The following OXR1 variants were observed in gnomAD, a reference collection of about 807,000 sequenced individuals.
The protein encoded by OXR1 is oxidation resistance 1, also known as oxidation resistance protein 1.
Under a neutral mutation model 104.6 loss-of-function variants are expected in OXR1, and 41 were observed. That is an observed-to-expected ratio of 0.39 (90% CI 0.31 to 0.51). The LOEUF (loss-of-function observed/expected upper bound fraction) is 0.51. Ranked by LOEUF, OXR1 falls within the 20% of genes least tolerant of loss-of-function variation. OXR1 has a pLI of 0.77. For synonymous variants in OXR1, 348 were observed against 348.4 expected (o/e 1.00, Z 0.01); for missense variants, 955 against 1,031.9 (o/e 0.93, Z 1.02).
chr8:106,687,974 A>G (rs1271194357), intron 6 of OXR1, among the ~76,000 whole-genome samples: 1 of 152,182 alleles, frequency 6.6e-6, no homozygotes, highest in East Asian at 1.9e-4. Flanking sequence ...TTGGACCCAA[A>G]GAGTTAAGTA....
At chr8:106,570,489 T>G (rs927808658) in intron 3 of OXR1, among the ~76,000 whole-genome samples, 1 of 152,136 alleles carries the variant, frequency 6.6e-6, no homozygotes, top group Non-Finnish European at 1.5e-5. Flanking sequence ...TTAGAAAGAT[T>G]AAGTAACAGA....
intron 11 of OXR1, chr8:106,725,976 C>T (rs1833298302): frequency 5.6e-6 from 2 of 355,156 alleles, no homozygotes; most frequent in African/African-American, 2.1e-5. Flanking sequence ...CCTTTCTTTG[C>T]ACATTTGGGT....
At chr8:106,499,482 A>C (rs1175784703) in intron 2 of OXR1, among the ~76,000 whole-genome samples, 1 of 152,154 alleles carries the variant, frequency 6.6e-6, no homozygotes, top group African/African-American at 2.4e-5. Flanking sequence ...ACAGCAGTAC[A>C]AATAGCATAA....
intron 3 of OXR1, among the ~76,000 whole-genome samples, chr8:106,570,185 T>G (rs1817374359): frequency 6.6e-6 from 1 of 152,168 alleles, no homozygotes; most frequent in African/African-American, 2.4e-5. Context: ...TTCAGAAAAA[T>G]CATTAATGCT....
intron 3 of OXR1, among the ~76,000 whole-genome samples, chr8:106,591,127 G>T (rs1032726592): frequency 6.6e-6 from 1 of 151,778 alleles, no homozygotes; most frequent in African/African-American, 2.4e-5. Context: ...ATGAGTTCTT[G>T]TCCTTTGTAG....
intron 3 of OXR1, among the ~76,000 whole-genome samples, chr8:106,528,291 T>C (rs1449276912): frequency 6.6e-6 from 1 of 152,248 alleles, no homozygotes. Flanking sequence ...AAATATTAAG[T>C]TGGGAAATGG....
chr8:106,442,632 G>C (rs767315937), intron 2 of OXR1, among the ~76,000 whole-genome samples: 3 of 151,994 alleles, frequency 2.0e-5, no homozygotes, highest in African/African-American at 7.2e-5. Flanking sequence ...ACTTCTTCCT[G>C]GTTTAGTCTT....
intron 2 of OXR1, among the ~76,000 whole-genome samples, chr8:106,488,863 C>T (rs187324677): frequency 4.6e-5 from 7 of 151,538 alleles, no homozygotes; most frequent in Admixed American, 3.3e-4. Context: ...AGTGTGATAC[C>T]TCCAGCTTTG....
At chr8:106,325,289 C>T (rs1008274282) in intron 1 of OXR1, among the ~76,000 whole-genome samples, 1 of 152,180 alleles carries the variant, frequency 6.6e-6, no homozygotes, top group Non-Finnish European at 1.5e-5. Context: ...ATTATTCTTT[C>T]TGAATCTACA....
chr8:106,627,637 C>G (rs760947917), intron 3 of OXR1, among the ~76,000 whole-genome samples: 1 of 152,156 alleles, frequency 6.6e-6, no homozygotes, highest in Non-Finnish European at 1.5e-5. Context: ...CTTTCTACTT[C>G]TTCCCCGCAG....
intron 6 of OXR1, among the ~76,000 whole-genome samples, chr8:106,692,018 C>T (rs868462676): frequency 6.7e-6 from 1 of 149,844 alleles, no homozygotes; most frequent in African/African-American, 2.5e-5. Context: ...TATATATACA[C>T]ATATATATAT....
chr8:106,519,004 G>A lies in OXR1; in HGVS notation c.85G>A (p.Ala29Thr). Reference sequence around the variant, plus strand: ...TCCAGGGTTCAACCCTTTGGCTGGTGCAGGAAAGCAAACACCACAAGCCAG... The same window carrying A: ...TCCAGGGTTCAACCCTTTGGCTGGTACAGGAAAGCAAACACCACAAGCCAG... ...NAPGFNPLAG[A>T]GKQTPQASKP... The change falls in exon 3 of 17, where the codon GCA (alanine) becomes ACA (threonine). Residue 29 changes from alanine to threonine, a missense_variant. Physicochemically the swap from Ala to Thr is moderately conservative, Grantham distance 58 (BLOSUM62 0). Transcript: ENST00000517566. 6.4e-7 allele frequency: 1 copy of A among 1,551,744 alleles called. No homozygotes were observed. Among genetic ancestry groups the A allele is most frequent in the Non-Finnish European group, 8.7e-7 (1 of 1,146,986 alleles).
At chr8:106,387,852 A>G (rs1817440769) in intron 2 of OXR1, among the ~76,000 whole-genome samples, 1 of 152,194 alleles carries the variant, frequency 6.6e-6, no homozygotes, top group Admixed American at 6.5e-5. Context: ...CTGGTGACTT[A>G]AAGGACTCTA....
At chr8:106,738,982 T>G (rs1202544342) in intron 12 of OXR1, among the ~76,000 whole-genome samples, 1 of 152,064 alleles carries the variant, frequency 6.6e-6, no homozygotes, top group African/African-American at 2.4e-5. Flanking sequence ...TATTCTACTA[T>G]TCTTTACATT....
At chr8:106,513,410 TAC>T (rs10582378) in intron 2 of OXR1, among the ~76,000 whole-genome samples, 20,870 of 150,716 alleles carry the variant, frequency 0.14, 1,554 homozygotes, top group East Asian at 0.24. Flanking sequence ...CGTGGATTTA[TAC>T]ACACACACAC....
At chr8:106,657,318 T>TAA (rs10709844) in intron 3 of OXR1, among the ~76,000 whole-genome samples, 2 of 146,834 alleles carry the variant, frequency 1.4e-5, no homozygotes, top group Non-Finnish European at 1.5e-5. Context: ...TCCTTAAACA[T>TAA]AAAAAAAAAA....
At chr8:106,556,912 C>T (rs1816326782) in intron 3 of OXR1, among the ~76,000 whole-genome samples, 1 of 152,166 alleles carries the variant, frequency 6.6e-6, no homozygotes, top group Admixed American at 6.5e-5. Context: ...TAGCTTTGAG[C>T]CGTGGCTTCT....
At position 106,739,519 on chromosome 8, in the gene OXR1, C is replaced by T. The variant is rs747083253; in HGVS notation, c.2099C>T (p.Ser700Phe). The T allele has an allele frequency of 1.9e-6, 3 of 1,613,222 alleles. No homozygotes were observed. The Admixed American group carries it at 5.0e-5, about 27-fold the overall frequency. The change falls in exon 13 of 17, where the codon TCT (serine) becomes TTT (phenylalanine). Residue 700 changes from serine (S) to phenylalanine (F), a missense_variant. Physicochemically the swap from Ser to Phe is radical, Grantham distance 155. Transcript: ENST00000517566. ...GCTACAGTGAAAGCAGACCTGGAGTCTGAATCTTTTCGACCAAACCTAAGT... is the reference window on the plus strand; with the variant it reads ...GCTACAGTGAAAGCAGACCTGGAGTTTGAATCTTTTCGACCAAACCTAAGT... Reference protein sequence around the residue: ...QVATVKADLESESFRPNLSDP... With the variant: ...QVATVKADLEFESFRPNLSDP...
chr8:106,657,051 GATGT>G (rs1389586385), intron 3 of OXR1, among the ~76,000 whole-genome samples: 3 of 152,148 alleles, frequency 2.0e-5, no homozygotes, highest in Non-Finnish European at 4.4e-5. Flanking sequence ...ACTACAAACA[GATGT>G]GAAAGGAAGA....
Sources: allele counts gnomAD v4.1 joint callset (sites outside exome capture counted in the v4.1 genomes callset), GRCh38; gene constraint gnomAD v4.1.1; transcripts MANE v1.5; gene names NCBI Gene and HGNC (gene_info 2026-07-23, HGNC 2026-07-21).